CSMD3: variants seen among roughly 807,000 people sequenced by gnomAD.
CSMD3 encodes the protein CUB and Sushi multiple domains 3.
CSMD3 carries 177 observed loss-of-function variants against 435.2 expected under a neutral mutation model. The ratio of observed to expected loss-of-function variants is 0.41; its 90% confidence interval spans 0.36 to 0.46. The LOEUF (loss-of-function observed/expected upper bound fraction) is 0.46, where lower values mean the gene tolerates loss of function less well. CSMD3 is among the 20% of genes least tolerant of loss of function. The pLI, the probability that CSMD3 is intolerant of heterozygous loss-of-function variation, is 0.34. For missense variants in CSMD3, 4,265 were observed against 4,504.6 expected (o/e 0.95, Z 1.52); for synonymous variants, 1,656 against 1,520.5 (o/e 1.09, Z -2.07).
intron 1 of CSMD3, among the ~76,000 whole-genome samples, chr8:113,416,446 T>C (rs1321776998): frequency 6.6e-6 from 1 of 152,146 alleles, no homozygotes; most frequent in Non-Finnish European, 1.5e-5. Context: ...TTGGAAATTA[T>C]TGCCTCTCTA....
chr8:112,420,945 C>T (rs1256045045), intron 32 of CSMD3, among the ~76,000 whole-genome samples: 1 of 152,152 alleles, frequency 6.6e-6, no homozygotes, highest in Admixed American at 6.6e-5. Context: ...CCTACGCACA[C>T]TCTGCCATGC....
intron 25 of CSMD3, among the ~76,000 whole-genome samples, chr8:112,554,558 T>C (rs1827956969): frequency 1.3e-5 from 2 of 152,064 alleles, no homozygotes; most frequent in Non-Finnish European, 2.9e-5. Context: ...GATTAATTTA[T>C]AGTCAATTAG....
At chr8:112,811,611 CAT>C (rs772989798) in intron 12 of CSMD3, among the ~76,000 whole-genome samples, 4 of 152,106 alleles carry the variant, frequency 2.6e-5, no homozygotes, top group Non-Finnish European at 4.4e-5. Context: ...AGACAATTAA[CAT>C]GTGTGTAATG....
rs560173784 is a variant in CSMD3 at position 112,864,704 on chromosome 8, T to C, written c.1634-5438A>G. ...ATAAAGGTAACTACTAAAAAAACAA[T>C]GAAGGGGCATTAAATAAAACTTGTA... On this transcript the variant is annotated intron_variant, in intron 10 of 70. Coordinates refer to ENST00000297405, the MANE Select transcript of CSMD3 (RefSeq NM_198123.2). Among the ~76,000 whole-genome samples the C allele has an allele frequency of 1.7e-3, 259 of 152,072 alleles. 1 individual carries two copies. The highest frequency in any genetic ancestry group is 5.0e-3 in the Admixed American group (76 of 15,272).
At chr8:112,447,656 A>G (rs946152177) in intron 32 of CSMD3, among the ~76,000 whole-genome samples, 1 of 152,188 alleles carries the variant, frequency 6.6e-6, no homozygotes, top group African/African-American at 2.4e-5. Context: ...ATAATCTTAC[A>G]AAATTCAGTC....
intron 1 of CSMD3, among the ~76,000 whole-genome samples, chr8:113,363,155 C>T (rs2094288425): frequency 6.6e-6 from 1 of 152,194 alleles, no homozygotes. Flanking sequence ...TATACTATAT[C>T]ACATTGATCA....
rs370756249 is a variant in CSMD3 at position 113,359,046 on chromosome 8, T to TA, written c.179-44254dup. On this transcript the variant is annotated intron_variant, in intron 1 of 70. Transcript: ENST00000297405. ...TTGATAAGCAATTTCCTCTCAATAG[T>TA]AAAAAAAAAATCTGTGAATATAGTC... Among the ~76,000 whole-genome samples, 402 of 149,484 alleles carry TA rather than the reference T, an allele frequency of 2.7e-3. 3 individuals carry two copies. The highest frequency in any genetic ancestry group is 0.019 in the East Asian group (98 of 5,112).
chr8:113,270,465 G>A (rs183754542), intron 3 of CSMD3, among the ~76,000 whole-genome samples: 5 of 152,160 alleles, frequency 3.3e-5, no homozygotes, highest in African/African-American at 7.2e-5. Flanking sequence ...CCCAGCCATC[G>A]CATTACTGGG....
intron 3 of CSMD3, among the ~76,000 whole-genome samples, chr8:113,193,272 T>C (rs1192395372): frequency 6.6e-6 from 1 of 151,288 alleles, no homozygotes; most frequent in East Asian, 1.9e-4. Flanking sequence ...CTCCAATATT[T>C]AGCTGAGGTA....
Position 112,814,796 on chromosome 8 carries a change from A to T in CSMD3, c.1860-14522T>A, listed in dbSNP as rs868594005. Reference sequence around the variant, plus strand: ...GACTCCATCTCAAAAAAAAAAAAAAATTTTTTTTTCATTATACCAAGGGAG... The same window carrying T: ...GACTCCATCTCAAAAAAAAAAAAAATTTTTTTTTTCATTATACCAAGGGAG... On this transcript the variant is annotated intron_variant, in intron 12 of 70. Coordinates refer to ENST00000297405, the MANE Select transcript of CSMD3 (RefSeq NM_198123.2). Among the ~76,000 whole-genome samples, 154 of 148,748 alleles carry T rather than the reference A, an allele frequency of 1.0e-3. No homozygotes were observed. The Middle Eastern group carries it at 0.017, about 16-fold the overall frequency.
chr8:112,580,394 G>A (rs1830253534), intron 23 of CSMD3, among the ~76,000 whole-genome samples: 1 of 151,928 alleles, frequency 6.6e-6, no homozygotes, highest in Non-Finnish European at 1.5e-5. Flanking sequence ...TTCTGATTTA[G>A]GTTTCTTAGA....
intron 5 of CSMD3, among the ~76,000 whole-genome samples, chr8:113,091,019 T>C (rs978150010): frequency 7.2e-5 from 11 of 152,134 alleles, no homozygotes; most frequent in African/African-American, 2.2e-4. Flanking sequence ...ACTGCACTTA[T>C]AAACTTAAAT....
rs183713008 is a variant in CSMD3, at chr8:112,404,066, G to A, written c.5809+2458C>T. Among the ~76,000 whole-genome samples, 79 of 152,198 alleles carry A rather than the reference G, an allele frequency of 5.2e-4. 1 individual carries two copies. The highest frequency in any genetic ancestry group is 3.4e-3 in the Middle Eastern group (1 of 294). ...TATGCTAGGTATATTTTTGGGGTTGGGGTGGGAGTGGCGATATCAAATTCC... is the reference window on the plus strand; with the variant it reads ...TATGCTAGGTATATTTTTGGGGTTGAGGTGGGAGTGGCGATATCAAATTCC... On this transcript the variant is annotated intron_variant, in intron 35 of 70. Coordinates refer to ENST00000297405, the MANE Select transcript of CSMD3 (RefSeq NM_198123.2).
intron 32 of CSMD3, among the ~76,000 whole-genome samples, chr8:112,453,977 C>T (rs894439050): frequency 2.0e-5 from 3 of 151,380 alleles, no homozygotes; most frequent in South Asian, 2.1e-4. Flanking sequence ...CAACCAAAGT[C>T]GACAATAATA....
chr8:112,472,692 C>T lies in CSMD3; in HGVS notation c.5294G>A (p.Arg1765His), dbSNP rs762865438. 24 of 1,604,710 alleles carry T rather than the reference C, an allele frequency of 1.5e-5. No homozygotes were observed. Among genetic ancestry groups the T allele is most frequent in the South Asian group, 4.4e-5 (4 of 90,918 alleles). Residue 1765 changes from arginine (R) to histidine (H), a missense_variant, in exon 32 of 71, where the codon CGT (arginine) becomes CAT (histidine). By Grantham distance (29) the Arg-to-His change is conservative. Around this residue, in one of 3 missense-constraint regions of CSMD3, gnomAD observed 3,255 missense variants for 3,380.2 expected, o/e 0.96. Coordinates refer to ENST00000297405, the MANE Select transcript of CSMD3 (RefSeq NM_198123.2). ...LPSCHAPCGSRSTGSEGTVLS... is the reference protein window; with the variant it reads ...LPSCHAPCGSHSTGSEGTVLS... ...AACAGTGCCTTCTGAACCTGTTGAACGACTTCCACAGGGCGCTAGGAAAAA... is the reference window on the plus strand; with the variant it reads ...AACAGTGCCTTCTGAACCTGTTGAATGACTTCCACAGGGCGCTAGGAAAAA...
At chr8:112,841,520 T>G (rs1488926090) in intron 11 of CSMD3, among the ~76,000 whole-genome samples, 1 of 151,894 alleles carries the variant, frequency 6.6e-6, no homozygotes, top group African/African-American at 2.4e-5. Flanking sequence ...GTGTTTATCC[T>G]TTTATTGTCT....
rs145144672 is a variant in CSMD3, at chr8:112,488,689, G to A, written c.5278+3800C>T. 7.6e-4 allele frequency among the ~76,000 whole-genome samples: 116 copies of A among 152,208 alleles called. 1 individual carries two copies. The highest frequency in any genetic ancestry group is 2.6e-3 in the African/African-American group (107 of 41,524). ...CATTGATAAAATTAGAAATAGAGGC[G>A]TACACATATTAATGTATAGCAAAAG... is the stretch of plus-strand genomic sequence containing the variant. On this transcript the variant is annotated intron_variant, in intron 31 of 70. Coordinates refer to ENST00000297405, the MANE Select transcript of CSMD3 (RefSeq NM_198123.2).
At chr8:112,444,846 AC>A (rs1326001383) in intron 32 of CSMD3, among the ~76,000 whole-genome samples, 1 of 152,214 alleles carries the variant, frequency 6.6e-6, no homozygotes, top group East Asian at 1.9e-4. Context: ...ACTTAAGATC[AC>A]TGTATTTCAT....
chr8:112,516,349 T>C (rs945461836), intron 28 of CSMD3, among the ~76,000 whole-genome samples: 2 of 152,130 alleles, frequency 1.3e-5, no homozygotes, highest in South Asian at 4.1e-4. Flanking sequence ...CTAAAGCACC[T>C]GAACAGAACA....
Sources: gnomAD v4.1 joint callset for allele counts (sites outside exome capture counted in the v4.1 genomes callset) on GRCh38, gnomAD v4.1.1 for gene constraint, gnomAD v4.1.1 regional missense constraint, MANE v1.5 for transcripts, NCBI Gene and HGNC (gene_info 2026-07-23, HGNC 2026-07-21) for gene names.